The following ERP27 variants were observed in gnomAD, a reference collection of about 807,000 sequenced individuals.
ERP27 encodes the protein endoplasmic reticulum protein 27.
Under a neutral mutation model 27.7 loss-of-function variants are expected in ERP27, and 23 were observed. That is an observed-to-expected ratio of 0.83 (90% CI 0.60 to 1.18). The LOEUF (loss-of-function observed/expected upper bound fraction) is 1.18, where lower values mean the gene tolerates loss of function less well. Ranked by LOEUF, ERP27 falls within the 50% of genes most tolerant of loss-of-function variation. ERP27 has a pLI of 0.00. For synonymous variants in ERP27, 159 were observed against 118.3 expected (o/e 1.34, Z -2.23); for missense variants, 363 against 327.9 (o/e 1.11, Z -0.83).
chr12:14,927,461 T>C (rs758876172), intron 3 of ERP27, among the ~76,000 whole-genome samples: 1 of 150,848 alleles, frequency 6.6e-6, no homozygotes, highest in Non-Finnish European at 1.5e-5. Flanking sequence ...TTCCTGTTTT[T>C]AGGTACAGCT....
intron 3 of ERP27, among the ~76,000 whole-genome samples, chr12:14,926,266 TAA>T (rs1042326738): frequency 1.3e-5 from 2 of 152,154 alleles, no homozygotes; most frequent in Non-Finnish European, 1.5e-5. Flanking sequence ...CCTTGTTGCC[TAA>T]AAGTCTACTT....
In ERP27 at chr12:14,938,515, TCTCCTG is replaced by T; in HGVS notation, c.-13_-8del. Reference sequence around the variant, plus strand: ...TGGACGGGGCAGCTTCCATTGTCCCTCTCCTGCTCCTGCTCCAACCCTGGACTTTGT... The same window carrying T: ...TGGACGGGGCAGCTTCCATTGTCCCTCTCCTGCTCCAACCCTGGACTTTGT... On this transcript the variant is annotated 5_prime_UTR_variant, in exon 1 of 7. Coordinates refer to ENST00000266397, the MANE Select transcript of ERP27 (RefSeq NM_152321.4). 1 of 1,604,408 alleles carries T rather than the reference TCTCCTG, an allele frequency of 6.2e-7. No homozygotes were observed. Among genetic ancestry groups the T allele is most frequent in the Non-Finnish European group, 8.5e-7 (1 of 1,175,254 alleles).
At position 14,935,055 on chromosome 12, in the gene ERP27, G is replaced by C. The variant is rs183182194; in HGVS notation, c.196-62C>G. The C allele has an allele frequency of 7.4e-5, 116 of 1,564,956 alleles. No individual in the cohort carries two copies. In the African/African-American group the frequency reaches 1.4e-3, roughly 19 times the overall value. ...TTTCGAAGGGCAGAGACAAACGATA[G>C]GCAAAAGAAATATGATATGATGTTT... On this transcript the variant is annotated intron_variant, in intron 2 of 6. Coordinates refer to ENST00000266397, the MANE Select transcript of ERP27 (RefSeq NM_152321.4).
intron 3 of ERP27, chr12:14,929,240 G>T: frequency 1.2e-6 from 1 of 863,134 alleles, no homozygotes; most frequent in South Asian, 4.2e-5. Context: ...CTTAAAGAAT[G>T]CACTAAATTG....
At chr12:14,934,789 C>T (rs1863749939) in intron 3 of ERP27, 67 bp downstream of exon 3, 1 of 1,589,196 alleles carries the variant, frequency 6.3e-7, no homozygotes, top group Non-Finnish European at 8.6e-7. Context: ...TTTCCAGTCT[C>T]ACAAGTTTAT....
intron 4 of ERP27, 93 bp from the exon 5 acceptor site, chr12:14,917,396 G>T: frequency 6.5e-7 from 1 of 1,541,176 alleles, no homozygotes; most frequent in South Asian, 1.2e-5. Context: ...AAACTTAAAT[G>T]AGAGCTGGCC....
At chr12:14,917,111 C>A in intron 5 of ERP27, 67 bp downstream of exon 5, 1 of 1,585,902 alleles carries the variant, frequency 6.3e-7, no homozygotes, top group Non-Finnish European at 8.6e-7. Context: ...TGCTTCCTAG[C>A]CCCATCTCCC....
chr12:14,925,005 G>A (rs1467262256), intron 3 of ERP27, among the ~76,000 whole-genome samples: 1 of 152,206 alleles, frequency 6.6e-6, no homozygotes, highest in Non-Finnish European at 1.5e-5. Context: ...GTCTGAAAAG[G>A]TGAGGCATGG....
chr12:14,927,983 TAA>T (rs1356235895), intron 3 of ERP27, among the ~76,000 whole-genome samples: 4 of 152,214 alleles, frequency 2.6e-5, no homozygotes, highest in African/African-American at 9.6e-5. Flanking sequence ...CTCATACCCA[TAA>T]AGACACAAAG....
rs1259844131 is a variant in ERP27, at chr12:14,914,639, C to A, written c.*96G>T. ...GTGCGTGTGTGTGTGGTTGGCAGGC[C>A]TAGTGATCCTGTTGTTTAGTGTCTC... On this transcript the variant is annotated 3_prime_UTR_variant, in exon 7 of 7. Transcript: ENST00000266397. 6.0e-6 allele frequency: 7 copies of A among 1,173,306 alleles called. No homozygotes were observed. In the South Asian group the frequency reaches 9.5e-5, roughly 16 times the overall value. 72.7% of individuals were successfully genotyped at this position (1,173,306 alleles called of 1,614,324 possible).
At chr12:14,925,312 G>A (rs1265999855) in intron 3 of ERP27, among the ~76,000 whole-genome samples, 1 of 152,022 alleles carries the variant, frequency 6.6e-6, no homozygotes, top group Non-Finnish European at 1.5e-5. Context: ...TAAGTGATGG[G>A]GTTCAGTTAT....
chr12:14,938,284 T>C, intron 1 of ERP27, 131 bp downstream of exon 1: 1 of 847,302 alleles, frequency 1.2e-6, no homozygotes, highest in South Asian at 1.5e-5. Flanking sequence ...CCAGGCAAAA[T>C]GCACTTATCC....
chr12:14,914,597 TGCGTGCGTGTGTGCACGTGC>T lies in ERP27; in HGVS notation c.*118_*137del. 5 of 631,888 alleles carry T rather than the reference TGCGTGCGTGTGTGCACGTGC, an allele frequency of 7.9e-6. No homozygotes were observed. In the East Asian group the frequency reaches 8.1e-5, roughly 10 times the overall value. The allele number at this position is 631,888 out of a possible 1,614,324, so 39.1% of individuals were successfully genotyped here. ...GTGTGTGCGTGTGTGTGTGCACGCG[TGCGTGCGTGTGTGCACGTGC>T]GTGTGTGTGTGGTTGGCAGGCCTAG... On this transcript the variant is annotated 3_prime_UTR_variant, in exon 7 of 7. Coordinates refer to ENST00000266397, the MANE Select transcript of ERP27 (RefSeq NM_152321.4).
At chr12:14,933,035 T>A (rs1409781400) in intron 3 of ERP27, among the ~76,000 whole-genome samples, 3 of 152,242 alleles carry the variant, frequency 2.0e-5, no homozygotes. Flanking sequence ...CACATAATAG[T>A]GGAATATGCA....
In ERP27 at chr12:14,914,599, C is replaced by A; in HGVS notation, c.*136G>T. 2 of 645,396 alleles carry A rather than the reference C, an allele frequency of 3.1e-6. No individual in the cohort carries two copies. Among genetic ancestry groups the A allele is most frequent in the Non-Finnish European group, 5.4e-6 (2 of 371,850 alleles). The allele number at this position is 645,396 out of a possible 1,614,324, so 40.0% of individuals were successfully genotyped here. A position where few individuals can be genotyped will look rare whatever the true frequency, so the allele number is the denominator to read the frequency against. Reference sequence around the variant, plus strand: ...GTGTGCGTGTGTGTGTGCACGCGTGCGTGCGTGTGTGCACGTGCGTGTGTG... The same window carrying A: ...GTGTGCGTGTGTGTGTGCACGCGTGAGTGCGTGTGTGCACGTGCGTGTGTG... On this transcript the variant is annotated 3_prime_UTR_variant, in exon 7 of 7. Transcript: ENST00000266397.
At chr12:14,914,902 G>T (rs1863384665) in intron 6 of ERP27, 120 bp from the exon 7 acceptor site, 1 of 758,460 alleles carries the variant, frequency 1.3e-6, no homozygotes, top group Non-Finnish European at 2.1e-6. Flanking sequence ...TTGATTTGTT[G>T]CCCATTAATG....
Position 14,915,575 on chromosome 12 carries a change from C to T in ERP27, c.688G>A (p.Asp230Asn), listed in dbSNP as rs139095683. Reference protein sequence around the residue: ...PALAIYQTLDDEWDTLPTAEV... With the variant: ...PALAIYQTLDNEWDTLPTAEV... ...GCTGTGGGCAGTGTATCCCACTCGT[C>T]ATCTAGAGTCTGGTAAATTGCCAAA... is the stretch of plus-strand genomic sequence containing the variant. Residue 230 changes from aspartate to asparagine, a missense_variant, in exon 6 of 7, where the codon GAC becomes AAC. Transcript: ENST00000266397. 5.6e-6 allele frequency: 9 copies of T among 1,614,104 alleles called. No individual in the cohort carries two copies. The African/African-American group carries it at 1.2e-4, about 22-fold the overall frequency.
At chr12:14,918,600 T>C (rs905897100) in intron 4 of ERP27, among the ~76,000 whole-genome samples, 4 of 152,188 alleles carry the variant, frequency 2.6e-5, no homozygotes, top group Non-Finnish European at 4.4e-5. Flanking sequence ...GCTACAAAAC[T>C]AGTGTGTACA....
intron 3 of ERP27, 75 bp from the exon 4 acceptor site, chr12:14,921,123 A>C: frequency 8.3e-7 from 1 of 1,207,810 alleles, no homozygotes; most frequent in Non-Finnish European, 1.2e-6. Context: ...TTAGACCCCC[A>C]TGTGACAGGC....
Sources: allele counts gnomAD v4.1 joint callset (sites outside exome capture counted in the v4.1 genomes callset), GRCh38; gene constraint gnomAD v4.1.1; transcripts MANE v1.5; gene names NCBI Gene and HGNC (gene_info 2026-07-23, HGNC 2026-07-21).